Variants in APELA observed in about 807,000 individuals in gnomAD.
APELA encodes apelin receptor early endogenous ligand.
chr4:164,882,080 T>C (rs906659486), intron 2 of APELA, among the ~76,000 whole-genome samples: 3 of 152,056 alleles, frequency 2.0e-5, no homozygotes, highest in Admixed American at 6.6e-5. Flanking sequence ...CGTCAATACA[T>C]ACTCTACTAG....
Position 164,895,656 on chromosome 4 carries a change from A to T in APELA, c.*242A>T, listed in dbSNP as rs1579114354. 1 of 152,232 alleles carries T rather than the reference A, an allele frequency of 6.6e-6. No individual in the cohort carries two copies. The highest frequency in any genetic ancestry group is 1.5e-5 in the Non-Finnish European group (1 of 68,034). The allele number at this position is 152,232 out of a possible 1,614,324, so 9.4% of individuals were successfully genotyped here. ...CAAAAGGATTCCAATCTGAAGCCCA[A>T]ATCGTTTGCCTACATAACAAAAATA... On this transcript the variant is annotated 3_prime_UTR_variant, in exon 3 of 3. Coordinates refer to ENST00000507152, the MANE Select transcript of APELA (RefSeq NM_001297550.2).
At chr4:164,892,404 G>A (rs553141046) in intron 2 of APELA, among the ~76,000 whole-genome samples, 1 of 152,078 alleles carries the variant, frequency 6.6e-6, no homozygotes, top group Non-Finnish European at 1.5e-5. Context: ...TATGTGTTTT[G>A]TCTCTTATTC....
intron 2 of APELA, 161 bp downstream of exon 2, chr4:164,879,170 A>G: frequency 2.6e-6 from 1 of 392,044 alleles, no homozygotes; most frequent in Admixed American, 4.4e-5. Flanking sequence ...AATGAATGAC[A>G]TGACTTTTGA....
At chr4:164,885,735 T>C (rs1199868017) in intron 2 of APELA, among the ~76,000 whole-genome samples, 1 of 151,390 alleles carries the variant, frequency 6.6e-6, no homozygotes, top group Non-Finnish European at 1.5e-5. Context: ...AGTGAGACCA[T>C]GTCTCAAAAA....
chr4:164,884,160 G>A lies in APELA; in HGVS notation c.*1+5151G>A, dbSNP rs1038775934. On this transcript the variant is annotated intron_variant, in intron 2 of 2. Transcript: ENST00000507152. ...GAAAGAAAGAAAGAAAGAAAGAAAG[G>A]AGAAGAGAAAGAAAGGAGAGAAGAA... 1.0e-3 allele frequency among the ~76,000 whole-genome samples: 113 copies of A among 112,416 alleles called. 1 individual carries two copies. The highest frequency in any genetic ancestry group is 3.0e-3 in the African/African-American group (81 of 27,368). The allele number at this position is 112,416 out of a possible 152,430, so 73.7% of individuals were successfully genotyped here.
downstream of APELA, among the ~76,000 whole-genome samples, chr4:164,897,721 A>G (rs150295069): frequency 2.0e-5 from 3 of 152,190 alleles, no homozygotes; most frequent in Non-Finnish European, 4.4e-5. Context: ...AAGGGCAAAG[A>G]TTCTCTCAAA....
intron 2 of APELA, among the ~76,000 whole-genome samples, chr4:164,886,571 G>A (rs1488729522): frequency 6.6e-6 from 1 of 152,032 alleles, no homozygotes; most frequent in Non-Finnish European, 1.5e-5. Flanking sequence ...TGCTTGAGCC[G>A]AGGGGTTGAG....
At chr4:164,898,319 T>C (rs1731014908), downstream of APELA, among the ~76,000 whole-genome samples, 1 of 151,294 alleles carries the variant, frequency 6.6e-6, no homozygotes, top group African/African-American at 2.4e-5. Context: ...CTGACCAACA[T>C]GGAGAAACCC....
downstream of APELA, among the ~76,000 whole-genome samples, chr4:164,898,084 G>A (rs899422531): frequency 1.3e-5 from 2 of 151,842 alleles, no homozygotes; most frequent in African/African-American, 2.4e-5. Context: ...AGAGACGGGG[G>A]TTCACCACGT....
chr4:164,895,397 C>T lies in APELA; in HGVS notation c.*2-19C>T, dbSNP rs1412212799. 1 of 151,986 alleles carries T rather than the reference C, an allele frequency of 6.6e-6. No homozygotes were observed. The highest frequency in any genetic ancestry group is 1.9e-4 in the East Asian group (1 of 5,194). 9.4% of individuals were successfully genotyped at this position (151,986 alleles called of 1,614,324 possible). On this transcript the variant is annotated intron_variant, in intron 2 of 2. Coordinates refer to ENST00000507152, the MANE Select transcript of APELA (RefSeq NM_001297550.2). ...TATTTCTTTGATGTATTTGTTTCTC[C>T]CTTGCCTCTCAAATATAGATCTCTC... is the stretch of plus-strand genomic sequence containing the variant.
chr4:164,884,112 A>AGAAT (rs1730716960), intron 2 of APELA, among the ~76,000 whole-genome samples: 1 of 27,572 alleles, frequency 3.6e-5, no homozygotes, highest in East Asian at 7.5e-4. Flanking sequence ...AATGAAAGAA[A>AGAAT]GAAAGAAAGA....
chr4:164,887,670 G>C (rs182351399), intron 2 of APELA, among the ~76,000 whole-genome samples: 1 of 151,400 alleles, frequency 6.6e-6, no homozygotes, highest in African/African-American at 2.4e-5. Context: ...GGATTGCAAT[G>C]GTTCCATCTC....
intron 2 of APELA, among the ~76,000 whole-genome samples, chr4:164,885,709 C>T (rs1730757165): frequency 6.6e-6 from 1 of 151,848 alleles, no homozygotes; most frequent in African/African-American, 2.4e-5. Flanking sequence ...CCATTGCACT[C>T]CAGCCTGGGT....
At chr4:164,881,444 C>T (rs766913415) in intron 2 of APELA, among the ~76,000 whole-genome samples, 2 of 151,964 alleles carry the variant, frequency 1.3e-5, no homozygotes, top group Non-Finnish European at 2.9e-5. Flanking sequence ...TCAATTTTTC[C>T]AGCTCCTAGG....
Position 164,896,750 on chromosome 4 carries a change from A to T in APELA, c.*1336A>T. 1 of 151,958 alleles carries T rather than the reference A, an allele frequency of 6.6e-6. No homozygotes were observed. The highest frequency in any genetic ancestry group is 3.2e-3 in the Middle Eastern group (1 of 316). 9.4% of individuals were successfully genotyped at this position (151,958 alleles called of 1,614,324 possible). ...AGTGCCACAAAATTTTTCTTACTTT[A>T]TGTTAATTCCAGATAAGAAATTTAC... On this transcript the variant is annotated 3_prime_UTR_variant, in exon 3 of 3. Coordinates refer to ENST00000507152, the MANE Select transcript of APELA (RefSeq NM_001297550.2).
chr4:164,891,084 G>A (rs753171381), intron 2 of APELA, among the ~76,000 whole-genome samples: 7 of 151,926 alleles, frequency 4.6e-5, no homozygotes, highest in Non-Finnish European at 1.0e-4. Context: ...TCTTTATATC[G>A]TTGAGCTGTA....
chr4:164,892,765 C>A (rs1730907346), intron 2 of APELA, among the ~76,000 whole-genome samples: 1 of 152,090 alleles, frequency 6.6e-6, no homozygotes, highest in Admixed American at 6.6e-5. Flanking sequence ...TTCTTAATTG[C>A]TAATTCGATC....
At chr4:164,883,112 C>T (rs1225847852) in intron 2 of APELA, among the ~76,000 whole-genome samples, 2 of 152,122 alleles carry the variant, frequency 1.3e-5, no homozygotes, top group Non-Finnish European at 2.9e-5. Flanking sequence ...CCCTGCTTCC[C>T]AACTCTTCCT....
In APELA at chr4:164,880,945, T is replaced by G. The variant is rs528391873; in HGVS notation, c.*1+1936T>G. Among the ~76,000 whole-genome samples the G allele has an allele frequency of 5.3e-5, 8 of 152,324 alleles. No individual in the cohort carries two copies. The South Asian group carries it at 1.7e-3, about 32-fold the overall frequency. On this transcript the variant is annotated intron_variant, in intron 2 of 2. Coordinates refer to ENST00000507152, the MANE Select transcript of APELA (RefSeq NM_001297550.2). ...AACTGCTTGGGTGACAGCATCCATT[T>G]TCTCAGTTTTAGACTCGTTCTACAT...
Sources: allele counts gnomAD v4.1 joint callset (sites outside exome capture counted in the v4.1 genomes callset), GRCh38; gene constraint gnomAD v4.1.1; transcripts MANE v1.5; gene names NCBI Gene and HGNC (gene_info 2026-07-23, HGNC 2026-07-21).